STK39: variants seen among roughly 807,000 people sequenced by gnomAD.
The protein encoded by STK39 is serine/threonine kinase 39.
Under a neutral mutation model 77.8 loss-of-function variants are expected in STK39, and 20 were observed. The observed-to-expected ratio is 0.26, with a 90% CI of 0.18 to 0.37. The LOEUF (loss-of-function observed/expected upper bound fraction) is 0.37, where lower values mean the gene tolerates loss of function less well. Among genes scored for constraint, STK39 ranks in the 10% least tolerant of loss-of-function variants. The probability of loss-of-function intolerance (pLI) is 1.00; values close to 1 mark genes in which losing one functional copy is unlikely to be tolerated. For synonymous variants in STK39, 246 were observed against 234.1 expected (o/e 1.05, Z -0.47); for missense variants, 479 against 656.5 (o/e 0.73, Z 2.95).
In STK39 at chr2:167,954,888, CAT is replaced by C; in HGVS notation, c.*606_*607del. ...AAATAACGAGATTAACTGCAAGAAG[CAT>C]ATAATCAAAACCCTTTTTTTCTTAT... is the stretch of plus-strand genomic sequence containing the variant. On this transcript the variant is annotated 3_prime_UTR_variant, in exon 18 of 18. Transcript: ENST00000355999. The C allele has an allele frequency of 6.5e-6, 1 of 152,724 alleles. No individual in the cohort carries two copies. Among genetic ancestry groups the C allele is most frequent in the Non-Finnish European group, 1.5e-5 (1 of 68,012 alleles). 9.5% of individuals were successfully genotyped at this position (152,724 alleles called of 1,614,324 possible).
At chr2:168,173,395 G>A (rs1207501258) in intron 2 of STK39, among the ~76,000 whole-genome samples, 1 of 152,092 alleles carries the variant, frequency 6.6e-6, no homozygotes, top group Admixed American at 6.5e-5. Context: ...ACCGAATACT[G>A]TTAAGTAGCA....
chr2:168,015,041 C>T (rs1684371131), intron 15 of STK39, among the ~76,000 whole-genome samples: 1 of 152,164 alleles, frequency 6.6e-6, no homozygotes, highest in Non-Finnish European at 1.5e-5. Flanking sequence ...GCGTGCGTGC[C>T]ATTAGGCAAT....
chr2:168,155,080 C>T (rs1688391540), intron 5 of STK39, among the ~76,000 whole-genome samples: 1 of 152,128 alleles, frequency 6.6e-6, no homozygotes, highest in African/African-American at 2.4e-5. Context: ...GTCCCATCTG[C>T]CTCATGCCCC....
chr2:168,210,026 AAAGAAAGGAAGGAAGGAAGGAAGG>A (rs1444082276), intron 1 of STK39, among the ~76,000 whole-genome samples: 7 of 64,708 alleles, frequency 1.1e-4, no homozygotes, highest in East Asian at 5.0e-4. Context: ...GAAAGAAAGG[AAAGAAAGGAAGGAAGGAAGGAAGG>A]AAGGAAGGAA....
At chr2:168,102,701 G>A (rs761779949) in intron 10 of STK39, among the ~76,000 whole-genome samples, 13 of 152,018 alleles carry the variant, frequency 8.6e-5, no homozygotes, top group South Asian at 4.1e-4. Context: ...AGGCCAAGGC[G>A]GGCAGATTAT....
chr2:168,177,116 C>T (rs1329422273), intron 2 of STK39, among the ~76,000 whole-genome samples: 1 of 152,090 alleles, frequency 6.6e-6, no homozygotes, highest in Non-Finnish European at 1.5e-5. Context: ...ATCAAAGGAT[C>T]AACATTCATC....
chr2:167,996,931 C>A (rs1312285067), intron 16 of STK39, among the ~76,000 whole-genome samples: 2 of 151,560 alleles, frequency 1.3e-5, no homozygotes, highest in Non-Finnish European at 2.9e-5. Context: ...GCTGGATGGT[C>A]CTCCCAGGCA....
chr2:168,201,749 C>G (rs893313409), intron 1 of STK39, among the ~76,000 whole-genome samples: 1 of 152,106 alleles, frequency 6.6e-6, no homozygotes, highest in Non-Finnish European at 1.5e-5. Context: ...ATCAAAACCA[C>G]CCCCCTTCTA....
intron 14 of STK39, among the ~76,000 whole-genome samples, chr2:168,050,921 T>G (rs1685379833): frequency 6.6e-6 from 1 of 152,202 alleles, no homozygotes; most frequent in African/African-American, 2.4e-5. Context: ...GAGAATAAAG[T>G]TTTCTAGCAC....
intron 16 of STK39, among the ~76,000 whole-genome samples, chr2:167,968,122 G>A (rs10166332): frequency 0.036 from 5,548 of 152,212 alleles, 152 homozygotes; most frequent in Non-Finnish European, 0.053. Context: ...TCAAGATTTC[G>A]TTCTGTTTCA....
chr2:168,136,949 T>C (rs993318616), intron 8 of STK39, among the ~76,000 whole-genome samples: 11 of 152,204 alleles, frequency 7.2e-5, no homozygotes, highest in Non-Finnish European at 1.6e-4. Flanking sequence ...AGATGGCTAA[T>C]AGCAGTCTTC....
At chr2:168,143,441 G>A (rs775217207) in intron 5 of STK39, among the ~76,000 whole-genome samples, 5 of 152,160 alleles carry the variant, frequency 3.3e-5, no homozygotes, top group Non-Finnish European at 7.3e-5. Context: ...GGACAGGAGC[G>A]GTGGCTCATG....
chr2:168,193,937 G>A (rs1309285229), intron 1 of STK39, among the ~76,000 whole-genome samples: 4 of 152,230 alleles, frequency 2.6e-5, no homozygotes, highest in East Asian at 1.9e-4. Context: ...TAAGGGAATC[G>A]AGTTTAGGCC....
rs1254822637 is a variant in STK39 at position 168,247,139 on chromosome 2, G to A, written c.208+89C>T. On this transcript the variant is annotated intron_variant, in intron 1 of 17. Transcript: ENST00000355999. The stretch of plus-strand genomic sequence containing the variant: ...GCCGGCCTCTCTGCCTCCAGGGCGT[G>A]CATGCAGGCTAGCCCAGCATCCCGC... 88 of 919,860 alleles carry A rather than the reference G, an allele frequency of 9.6e-5. 1 individual carries two copies. Among genetic ancestry groups the A allele is most frequent in the Admixed American group, 7.2e-4 (12 of 16,694 alleles). The allele number at this position is 919,860 out of a possible 1,614,324, so 57.0% of individuals were successfully genotyped here.
intron 16 of STK39, among the ~76,000 whole-genome samples, chr2:167,979,116 AC>A (rs1329652712): frequency 6.6e-6 from 1 of 152,188 alleles, no homozygotes; most frequent in African/African-American, 2.4e-5. Context: ...TTCTGCTGTT[AC>A]AAAAAAGCTG....
chr2:168,171,728 ATCC>A (rs1489766844), intron 2 of STK39, among the ~76,000 whole-genome samples: 2 of 152,006 alleles, frequency 1.3e-5, no homozygotes, highest in African/African-American at 4.8e-5. Context: ...GGCTCAAGCA[ATCC>A]TCCTCCTTGG....
intron 1 of STK39, among the ~76,000 whole-genome samples, chr2:168,189,771 T>C (rs1689294377): frequency 6.6e-6 from 1 of 152,230 alleles, no homozygotes; most frequent in African/African-American, 2.4e-5. Flanking sequence ...CATTTAACAT[T>C]AGTCTCAAGA....
At chr2:168,146,336 C>T (rs1338585877) in intron 5 of STK39, among the ~76,000 whole-genome samples, 1 of 152,220 alleles carries the variant, frequency 6.6e-6, no homozygotes, top group Non-Finnish European at 1.5e-5. Context: ...CCTCAAACTT[C>T]TACAGTATCT....
At chr2:168,118,731 C>G (rs1687325085) in intron 10 of STK39, among the ~76,000 whole-genome samples, 1 of 151,994 alleles carries the variant, frequency 6.6e-6, no homozygotes, top group East Asian at 1.9e-4. Flanking sequence ...AGTGCGAACA[C>G]CAGTCAAGCC....
Sources: gnomAD v4.1 joint callset for allele counts (sites outside exome capture counted in the v4.1 genomes callset) on GRCh38, gnomAD v4.1.1 for gene constraint, MANE v1.5 for transcripts, NCBI Gene and HGNC (gene_info 2026-07-23, HGNC 2026-07-21) for gene names.